The following TBL1X variants were observed in gnomAD, a reference collection of about 807,000 sequenced individuals.
The protein encoded by TBL1X is F-box-like/WD repeat-containing protein TBL1X.
A neutral mutation model predicts 50.7 loss-of-function variants in TBL1X; 10 were observed. That is an observed-to-expected ratio of 0.20 (90% CI 0.12 to 0.33). The LOEUF (loss-of-function observed/expected upper bound fraction) is 0.33. Among genes scored for constraint, TBL1X ranks in the 10% least tolerant of loss-of-function variants. The probability of loss-of-function intolerance (pLI) is 1.00; values close to 1 mark genes in which losing one functional copy is unlikely to be tolerated. For synonymous variants in TBL1X, 190 were observed against 214.7 expected, an observed-to-expected ratio of 0.88 and a Z score of 1.01; for missense variants, 340 against 504.4, an observed-to-expected ratio of 0.67 and a Z score of 3.12.
chrX:9,537,582 T>C (rs1230621755), intron 2 of TBL1X, among the ~76,000 whole-genome samples: 1 of 101,144 alleles, frequency 9.9e-6, no homozygotes, highest in Non-Finnish European at 2.0e-5. Flanking sequence ...ATATGGTATT[T>C]GTCCTTTTGC....
chrX:9,692,514 T>C (rs1168266687), intron 9 of TBL1X, among the ~76,000 whole-genome samples: 1 of 112,402 alleles, frequency 8.9e-6, no homozygotes, highest in African/African-American at 3.2e-5. Flanking sequence ...TTCAAGCGAT[T>C]CTCTTTCCTC....
rs1210711645 is a variant in TBL1X at position 9,686,834 on chromosome X, C to T, written c.358-1183C>T. 3.6e-5 allele frequency among the ~76,000 whole-genome samples: 4 copies of T among 112,540 alleles called. No homozygotes were observed. The East Asian group carries it at 8.4e-4, about 24-fold the overall frequency. ...ATGAAGGAGGAAGGGGGTGTGGGAG[C>T]GTCTTGACCCATCGGTCACCATTGT... On this transcript the variant is annotated intron_variant, in intron 6 of 17. Coordinates refer to ENST00000645353, the MANE Select transcript of TBL1X (RefSeq NM_005647.4).
At chrX:9,698,105 C>T (rs1444650924) in intron 12 of TBL1X, among the ~76,000 whole-genome samples, 12 of 110,955 alleles carry the variant, frequency 1.1e-4, no homozygotes, top group East Asian at 2.9e-4. Flanking sequence ...TAACTGAATG[C>T]GCCGAGTATG....
intron 2 of TBL1X, among the ~76,000 whole-genome samples, chrX:9,504,637 G>A (rs1388301146): frequency 8.9e-6 from 1 of 112,362 alleles, no homozygotes; most frequent in Non-Finnish European, 1.9e-5. Context: ...AACACAGCAC[G>A]AGAACTTTGT....
At chrX:9,468,927 C>T (rs904279417) in intron 1 of TBL1X, among the ~76,000 whole-genome samples, 2 of 110,794 alleles carry the variant, frequency 1.8e-5, no homozygotes, top group African/African-American at 3.3e-5. Context: ...AATTCTCCTG[C>T]CTCAGCCTCC....
intron 2 of TBL1X, among the ~76,000 whole-genome samples, chrX:9,563,909 G>C (rs1161124088): frequency 8.9e-6 from 1 of 112,511 alleles, no homozygotes; most frequent in Non-Finnish European, 1.9e-5. Flanking sequence ...AAAGTTCATT[G>C]TCATGACATA....
intron 2 of TBL1X, among the ~76,000 whole-genome samples, chrX:9,629,991 T>A (rs1264311609): frequency 9.0e-6 from 1 of 111,228 alleles, no homozygotes; most frequent in Non-Finnish European, 1.9e-5. Flanking sequence ...TATGTCCTCA[T>A]GAGCAGGGCC....
intron 3 of TBL1X, among the ~76,000 whole-genome samples, chrX:9,642,566 CA>C (rs1343472727): frequency 9.0e-6 from 1 of 111,360 alleles, no homozygotes; most frequent in Non-Finnish European, 1.9e-5. Flanking sequence ...TGTTCACATT[CA>C]GGGGCGTTCA....
intron 2 of TBL1X, among the ~76,000 whole-genome samples, chrX:9,567,556 C>T (rs772419970): frequency 1.8e-5 from 2 of 111,739 alleles, no homozygotes; most frequent in South Asian, 7.6e-4. Context: ...CGCTGGTGTC[C>T]CACTCAAACC....
chrX:9,675,891 C>CAAAAAAA (rs1175476577), intron 5 of TBL1X, among the ~76,000 whole-genome samples: 1 of 58,311 alleles, frequency 1.7e-5, no homozygotes. Context: ...AACTCTGTCT[C>CAAAAAAA]AAAAAAAAAA....
intron 5 of TBL1X, among the ~76,000 whole-genome samples, chrX:9,657,317 C>T (rs927235408): frequency 2.7e-5 from 3 of 112,443 alleles, no homozygotes; most frequent in Admixed American, 1.9e-4. Context: ...TCCAGAGTCA[C>T]CAAGCATGTG....
At chrX:9,511,844 C>G (rs1406006581) in intron 2 of TBL1X, among the ~76,000 whole-genome samples, 8 of 112,032 alleles carry the variant, frequency 7.1e-5, no homozygotes. Flanking sequence ...GGCAGGTTGT[C>G]TACTTCTTAA....
intron 1 of TBL1X, among the ~76,000 whole-genome samples, chrX:9,495,185 C>G (rs1457057631): frequency 9.0e-6 from 1 of 111,374 alleles, no homozygotes; most frequent in Non-Finnish European, 1.9e-5. Context: ...AATCAAATTT[C>G]ACCTGCATAA....
At chrX:9,617,589 G>A (rs2082645452) in intron 2 of TBL1X, among the ~76,000 whole-genome samples, 1 of 111,993 alleles carries the variant, frequency 8.9e-6, no homozygotes, top group Admixed American at 9.4e-5. Flanking sequence ...AATTGATCTG[G>A]GGAGACCCAG....
At chrX:9,588,217 G>A (rs948546819) in intron 2 of TBL1X, among the ~76,000 whole-genome samples, 13 of 111,614 alleles carry the variant, frequency 1.2e-4, no homozygotes, top group Admixed American at 1.0e-3. Context: ...GAGGATGAGC[G>A]GTTATATGCA....
At chrX:9,575,307 A>G (rs1299439318) in intron 2 of TBL1X, among the ~76,000 whole-genome samples, 1 of 111,546 alleles carries the variant, frequency 9.0e-6, no homozygotes, top group Non-Finnish European at 1.9e-5. Flanking sequence ...ACAGTTCGAC[A>G]TGAGATTTGG....
chrX:9,667,959 A>T (rs1250469934), intron 5 of TBL1X, among the ~76,000 whole-genome samples: 3 of 112,201 alleles, frequency 2.7e-5, no homozygotes, highest in African/African-American at 9.7e-5. Flanking sequence ...AAAAAAAATT[A>T]GGACACCTAA....
At chrX:9,697,322 C>G (rs1054252956) in intron 11 of TBL1X, 47 bp from the exon 12 acceptor site, 3 of 1,198,542 alleles carry the variant, frequency 2.5e-6, no homozygotes, top group Non-Finnish European at 2.3e-6. Flanking sequence ...CCAGAGAAAA[C>G]TTTGCCAGAA....
At chrX:9,590,602 T>G (rs781020530) in intron 2 of TBL1X, among the ~76,000 whole-genome samples, 6 of 112,523 alleles carry the variant, frequency 5.3e-5, no homozygotes, top group East Asian at 2.8e-4. Flanking sequence ...ATTTGAATCT[T>G]GAACATTTAA....
Sources: allele counts gnomAD v4.1 joint callset (sites outside exome capture counted in the v4.1 genomes callset), GRCh38; gene constraint gnomAD v4.1.1; transcripts MANE v1.5; gene names NCBI Gene and HGNC (gene_info 2026-07-23, HGNC 2026-07-21).